OTUD4: variants seen among roughly 807,000 people sequenced by gnomAD.
OTUD4 encodes OTU domain-containing protein 4.
Under a neutral mutation model 130.4 loss-of-function variants are expected in OTUD4, and 24 were observed. The observed-to-expected ratio is 0.18, with a 90% CI of 0.13 to 0.26. OTUD4 has a LOEUF of 0.26. Among genes scored for constraint, OTUD4 ranks in the 10% least tolerant of loss-of-function variants. OTUD4 has a pLI of 1.00. For synonymous variants in OTUD4, 420 were observed against 472.5 expected (o/e 0.89, Z 1.44); for missense variants, 1,031 against 1,329.4 (o/e 0.78, Z 3.49).
In OTUD4 at chr4:145,180,533, A is replaced by C. The variant is rs1752645812; in HGVS notation, c.-560T>G. Among the ~76,000 whole-genome samples the C allele has an allele frequency of 6.6e-6, 1 of 152,218 alleles. No homozygotes were observed. The highest frequency in any genetic ancestry group is 2.1e-4 in the South Asian group (1 of 4,832). ...CGGGTGGGGGCGCCCGGGAGAGAACAGCACCTCGCAGCCCAGAATTTGTTT... is the reference window on the plus strand; with the variant it reads ...CGGGTGGGGGCGCCCGGGAGAGAACCGCACCTCGCAGCCCAGAATTTGTTT... On this transcript the variant is annotated 5_prime_UTR_variant, in exon 1 of 21. Coordinates refer to ENST00000447906, the MANE Select transcript of OTUD4 (RefSeq NM_001366057.1).
Position 145,154,857 on chromosome 4 carries a change from C to T in OTUD4, c.873+554G>A, listed in dbSNP as rs1166248815. ...AATGGTGGTGGTGGGGGGCGGGGGG[C>T]AGAGTGAGGGTTAACCACTAGTTTA... On this transcript the variant is annotated intron_variant, in intron 10 of 20. Transcript: ENST00000447906. Among the ~76,000 whole-genome samples the T allele has an allele frequency of 2.6e-5, 4 of 151,900 alleles. No homozygotes were observed. In the East Asian group the frequency reaches 5.8e-4, roughly 22 times the overall value.
Position 145,174,677 on chromosome 4 carries a change from C to G in OTUD4, c.227G>C (p.Arg76Thr). 1 of 1,596,492 alleles carries G rather than the reference C, an allele frequency of 6.3e-7. No individual in the cohort carries two copies. Among genetic ancestry groups the G allele is most frequent in the Non-Finnish European group, 8.6e-7 (1 of 1,163,946 alleles). The change falls in exon 2 of 21, where the codon AGA (arginine) becomes ACA (threonine). Residue 76 changes from arginine (R) to threonine (T), a missense_variant. Around this residue, in one of 3 missense-constraint regions of OTUD4, gnomAD observed 77 missense variants for 172.9 expected, o/e 0.45. Coordinates refer to ENST00000447906, the MANE Select transcript of OTUD4 (RefSeq NM_001366057.1). ...ACAAGTTACCGCTTCAAATTTCTCT[C>G]TGTTCTCTCGAAGATAGTGAATACA... is the stretch of plus-strand genomic sequence containing the variant. ...MACIHYLREN[R>T]EKFEAFIEGS...
Position 145,138,029 on chromosome 4 carries a change from T to C in OTUD4, c.2746A>G (p.Arg916Gly), listed in dbSNP as rs1469238670. Residue 916 changes from arginine (R) to glycine (G), a missense_variant, in exon 21 of 21, where the codon AGG becomes GGG. Transcript: ENST00000447906. ...VSTVDEFPEARGEHVHSLPEA... is the reference protein window; with the variant it reads ...VSTVDEFPEAGGEHVHSLPEA... ...GGGAGAGAATGTACATGTTCACCCC[T>C]GGCTTCTGGAAACTCATCTACTGTT... The C allele has an allele frequency of 1.9e-6, 3 of 1,614,098 alleles. No homozygotes were observed. Among genetic ancestry groups the C allele is most frequent in the Admixed American group, 3.3e-5 (2 of 60,008 alleles).
intron 1 of OTUD4, among the ~76,000 whole-genome samples, chr4:145,178,793 TAGAAA>T (rs1204261876): frequency 1.3e-5 from 2 of 152,092 alleles, no homozygotes; most frequent in Non-Finnish European, 2.9e-5. Flanking sequence ...TACTCACAAA[TAGAAA>T]TTTTAAAAGT....
At chr4:145,172,792 C>T (rs940737810) in intron 2 of OTUD4, among the ~76,000 whole-genome samples, 6 of 151,706 alleles carry the variant, frequency 4.0e-5, no homozygotes, top group African/African-American at 1.5e-4. Context: ...TTAAAGAGCC[C>T]ACCAATAAAG....
At chr4:145,154,536 T>TA (rs1226742026) in intron 10 of OTUD4, among the ~76,000 whole-genome samples, 1 of 152,238 alleles carries the variant, frequency 6.6e-6, no homozygotes, top group Non-Finnish European at 1.5e-5. Context: ...AACTTCCATA[T>TA]AACATTTTTT....
intron 13 of OTUD4, among the ~76,000 whole-genome samples, chr4:145,147,698 C>T (rs1229015300): frequency 6.6e-6 from 1 of 152,130 alleles, no homozygotes; most frequent in Non-Finnish European, 1.5e-5. Flanking sequence ...GTTTTCTCCA[C>T]AGGAAGAGAC....
rs907326596 is a variant in OTUD4 at position 145,137,567 on chromosome 4, C to T, written c.3208G>A (p.Glu1070Lys). Residue 1070 changes from glutamate to lysine, a missense_variant, in exon 21 of 21, where the codon GAG (glutamate) becomes AAG (lysine). Glu to Lys is a moderately conservative substitution (Grantham distance 56). Coordinates refer to ENST00000447906, the MANE Select transcript of OTUD4 (RefSeq NM_001366057.1). ...GRGGYQHVRS[E>K]ESWKGQPSRS... The stretch of plus-strand genomic sequence containing the variant: ...CTTGGCTGTCCTTTCCAGGACTCCT[C>T]ACTTCTCACATGTTGATATCCACCC... 5 of 1,613,264 alleles carry T rather than the reference C, an allele frequency of 3.1e-6. No individual in the cohort carries two copies. The Admixed American group carries it at 6.7e-5, about 22-fold the overall frequency.
rs147882068 is a variant in OTUD4 at position 145,142,104 on chromosome 4, C to G, written c.1822+92G>C. ...CTCTGTGAGGCTCCACACACCTAATCCTGCTCAGAGGTCAAACTTCCACTC... is the reference window on the plus strand; with the variant it reads ...CTCTGTGAGGCTCCACACACCTAATGCTGCTCAGAGGTCAAACTTCCACTC... On this transcript the variant is annotated intron_variant, in intron 18 of 20. Coordinates refer to ENST00000447906, the MANE Select transcript of OTUD4 (RefSeq NM_001366057.1). 7.2e-6 allele frequency: 8 copies of G among 1,116,988 alleles called. No homozygotes were observed. In the African/African-American group the frequency reaches 1.2e-4, roughly 17 times the overall value. 69.2% of individuals were successfully genotyped at this position (1,116,988 alleles called of 1,614,324 possible).
In OTUD4 at chr4:145,165,138, T is replaced by A. The variant is rs776265024; in HGVS notation, c.341+13A>T. 6.7e-7 allele frequency: 1 copy of A among 1,487,694 alleles called. No homozygotes were observed. Among genetic ancestry groups the A allele is most frequent in the South Asian group, 1.2e-5 (1 of 83,600 alleles). The allele number at this position is 1,487,694 out of a possible 1,614,324, so 92.2% of individuals were successfully genotyped here. A position where few individuals can be genotyped will look rare whatever the true frequency, so the allele number is the denominator to read the frequency against. On this transcript the variant is annotated intron_variant, in intron 4 of 20. Coordinates refer to ENST00000447906, the MANE Select transcript of OTUD4 (RefSeq NM_001366057.1). ...GTTTCATTTTCTTTTACTTATGTTA[T>A]TACAGTGTTTACCTGTACATAAGAG...
intron 6 of OTUD4, 47 bp downstream of exon 6, chr4:145,162,593 T>A (rs774298591): frequency 2.1e-6 from 2 of 958,064 alleles, no homozygotes; most frequent in Non-Finnish European, 3.2e-6. Flanking sequence ...AAAGACTGTA[T>A]AAGTTTAGGA....
intron 10 of OTUD4, among the ~76,000 whole-genome samples, chr4:145,153,961 A>C (rs1400981726): frequency 6.6e-6 from 1 of 152,250 alleles, no homozygotes; most frequent in Non-Finnish European, 1.5e-5. Context: ...GTTATCCAAA[A>C]GAATGGTCAA....
intron 7 of OTUD4, among the ~76,000 whole-genome samples, 182 bp from the exon 8 acceptor site, chr4:145,156,178 G>T (rs1751282656): frequency 6.6e-6 from 1 of 152,220 alleles, no homozygotes; most frequent in Non-Finnish European, 1.5e-5. Flanking sequence ...ATGTAAATGT[G>T]TGTATATAAG....
intron 10 of OTUD4, among the ~76,000 whole-genome samples, chr4:145,154,291 A>AC (rs1751185176): frequency 6.6e-6 from 1 of 152,230 alleles, no homozygotes; most frequent in Non-Finnish European, 1.5e-5. Context: ...ATAAGGCAGT[A>AC]CCTGAATGAA....
At chr4:145,156,142 A>G (rs906178092) in intron 7 of OTUD4, 146 bp from the exon 8 acceptor site, 8 of 575,232 alleles carry the variant, frequency 1.4e-5, no homozygotes, top group African/African-American at 1.9e-5. Flanking sequence ...TGGTACAAGT[A>G]TATCTATATA....
chr4:145,141,741 A>T, intron 18 of OTUD4, 102 bp from the exon 19 acceptor site: 1 of 1,041,732 alleles, frequency 9.6e-7, no homozygotes, highest in Non-Finnish European at 1.3e-6. Flanking sequence ...GATAAAGCCA[A>T]TCTAAAGTAG....
Position 145,142,251 on chromosome 4 carries a change from A to C in OTUD4, c.1767T>G (p.Ser589=). ...GCCAGGCTGGCACAGTGGCTGGTAA[A>C]GAAGGCACCGCAGGAGTTAGATGTA... The part of the protein sequence containing the change: ...PEVHLTPAVP[S]LPATVPAWPS... Residue 589 remains serine (S), a synonymous_variant, in exon 18 of 21, where the codon TCT becomes TCG. Coordinates refer to ENST00000447906, the MANE Select transcript of OTUD4 (RefSeq NM_001366057.1). 6.2e-7 allele frequency: 1 copy of C among 1,614,040 alleles called. No homozygotes were observed. The highest frequency in any genetic ancestry group is 1.1e-5 in the South Asian group (1 of 91,072).
intron 2 of OTUD4, among the ~76,000 whole-genome samples, chr4:145,174,279 T>C (rs1752319217): frequency 6.6e-6 from 1 of 152,130 alleles, no homozygotes; most frequent in South Asian, 2.1e-4. Flanking sequence ...ACTGAATTTT[T>C]TTTCTTTTAA....
chr4:145,165,819 G>GCCCT (rs1751839880), intron 3 of OTUD4, among the ~76,000 whole-genome samples: 1 of 152,170 alleles, frequency 6.6e-6, no homozygotes, highest in Admixed American at 6.5e-5. Flanking sequence ...CTCCAGCCTA[G>GCCCT]CCCTCAGGAG....
Sources: allele counts gnomAD v4.1 joint callset (sites outside exome capture counted in the v4.1 genomes callset), GRCh38; gene constraint gnomAD v4.1.1; regional missense constraint gnomAD v4.1.1; transcripts MANE v1.5; gene names NCBI Gene and HGNC (gene_info 2026-07-23, HGNC 2026-07-21).